Variants in LRRC8B observed in about 807,000 individuals in gnomAD.
LRRC8B encodes volume-regulated anion channel subunit LRRC8B.
In LRRC8B, 23 loss-of-function variants were observed where a neutral mutation model predicts 58.8. The ratio of observed to expected loss-of-function variants is 0.39; its 90% CI spans 0.28 to 0.55. LRRC8B has a LOEUF of 0.55. Among genes scored for constraint, LRRC8B ranks in the 20% least tolerant of loss-of-function variants. LRRC8B has a pLI of 0.62. For synonymous variants in LRRC8B, 359 were observed against 374.1 expected, an observed-to-expected ratio of 0.96 and a Z score of 0.47; for missense variants, 694 against 936.0, an observed-to-expected ratio of 0.74 and a Z score of 3.37.
chr1:89,592,636 T>A (rs1655053746), intron 5 of LRRC8B, 135 bp from the exon 6 acceptor site: 1 of 741,640 alleles, frequency 1.3e-6, no homozygotes, highest in Non-Finnish European at 2.2e-6. Flanking sequence ...ACTTCAAATT[T>A]ATCATCATTG....
At chr1:89,525,395 T>C (rs530805551) in intron 1 of LRRC8B, among the ~76,000 whole-genome samples, 2 of 152,320 alleles carry the variant, frequency 1.3e-5, no homozygotes, top group African/African-American at 4.8e-5. Context: ...GGGGTTCCGC[T>C]TTCCCAGGCT....
At chr1:89,573,790 A>C (rs1373669724) in intron 3 of LRRC8B, among the ~76,000 whole-genome samples, 1 of 152,200 alleles carries the variant, frequency 6.6e-6, no homozygotes, top group African/African-American at 2.4e-5. Context: ...TTTCTCTCAG[A>C]TAATTCATTT....
At chr1:89,565,119 G>A (rs1374836550) in intron 1 of LRRC8B, among the ~76,000 whole-genome samples, 1 of 152,174 alleles carries the variant, frequency 6.6e-6, no homozygotes, top group Non-Finnish European at 1.5e-5. Context: ...CTAATATGTG[G>A]TAGGCTCTCA....
intron 1 of LRRC8B, among the ~76,000 whole-genome samples, chr1:89,548,143 T>TG (rs1462014667): frequency 1.3e-5 from 2 of 152,256 alleles, no homozygotes; most frequent in Non-Finnish European, 2.9e-5. Flanking sequence ...GATTATATAT[T>TG]GATTACATTT....
intron 1 of LRRC8B, among the ~76,000 whole-genome samples, chr1:89,552,644 C>T (rs969065008): frequency 2.0e-5 from 3 of 152,140 alleles, no homozygotes; most frequent in Non-Finnish European, 2.9e-5. Flanking sequence ...GCAAAAGATA[C>T]ATTTTTCTCC....
At chr1:89,585,733 C>T (rs530159336) in intron 5 of LRRC8B, among the ~76,000 whole-genome samples, 7 of 151,742 alleles carry the variant, frequency 4.6e-5, no homozygotes, top group Admixed American at 2.6e-4. Flanking sequence ...CGCTTGAACC[C>T]GGGAGGTGGA....
At chr1:89,526,417 G>A (rs1183884620) in intron 1 of LRRC8B, among the ~76,000 whole-genome samples, 7 of 152,182 alleles carry the variant, frequency 4.6e-5, no homozygotes. Flanking sequence ...GTTTCACCAT[G>A]TTGGCCAGGC....
At chr1:89,559,232 G>A (rs778713108) in intron 1 of LRRC8B, among the ~76,000 whole-genome samples, 7 of 152,080 alleles carry the variant, frequency 4.6e-5, no homozygotes, top group African/African-American at 1.7e-4. Flanking sequence ...GATGTCACCC[G>A]AGCATAGCAT....
At chr1:89,569,053 C>G (rs1489445082) in intron 3 of LRRC8B, among the ~76,000 whole-genome samples, 2 of 152,138 alleles carry the variant, frequency 1.3e-5, no homozygotes, top group African/African-American at 4.8e-5. Context: ...GTGCTTTTAG[C>G]TTTGACACAA....
chr1:89,550,484 C>T (rs990978509), intron 1 of LRRC8B, among the ~76,000 whole-genome samples: 1 of 152,158 alleles, frequency 6.6e-6, no homozygotes, highest in Non-Finnish European at 1.5e-5. Flanking sequence ...TTCATCTCAC[C>T]TTCTTCAGCT....
intron 5 of LRRC8B, among the ~76,000 whole-genome samples, chr1:89,585,697 T>C (rs1394329974): frequency 6.6e-6 from 1 of 152,038 alleles, no homozygotes; most frequent in Non-Finnish European, 1.5e-5. Context: ...AAGTCCCAGC[T>C]ACTCAGGAGC....
chr1:89,570,182 A>G (rs1653349149), intron 3 of LRRC8B, among the ~76,000 whole-genome samples: 1 of 152,162 alleles, frequency 6.6e-6, no homozygotes, highest in African/African-American at 2.4e-5. Flanking sequence ...CAATGAATAT[A>G]CACATGCATG....
Position 89,594,714 on chromosome 1 carries a change from T to C in LRRC8B, c.*1671T>C, listed in dbSNP as rs780300256. ...TATAAAGAGCTTTGTGCTTGGCCTT[T>C]TATTATGCATATTTTTAATGAATAA... On this transcript the variant is annotated 3_prime_UTR_variant, in exon 6 of 6. Transcript: ENST00000330947. The C allele has an allele frequency of 1.2e-4, 19 of 152,208 alleles. No homozygotes were observed. Among genetic ancestry groups the C allele is most frequent in the Non-Finnish European group, 2.8e-4 (19 of 68,012 alleles). 9.4% of individuals were successfully genotyped at this position (152,208 alleles called of 1,614,324 possible). A position where few individuals can be genotyped will look rare whatever the true frequency, so the allele number is the denominator to read the frequency against.
At chr1:89,544,657 G>T (rs1383289685) in intron 1 of LRRC8B, among the ~76,000 whole-genome samples, 2 of 152,116 alleles carry the variant, frequency 1.3e-5, no homozygotes, top group African/African-American at 4.8e-5. Context: ...CAGATCTCTC[G>T]CAGGATGGTA....
intron 3 of LRRC8B, among the ~76,000 whole-genome samples, chr1:89,574,774 C>T (rs560149948): frequency 6.6e-6 from 1 of 152,248 alleles, no homozygotes; most frequent in Non-Finnish European, 1.5e-5. Context: ...AGACCAGTTC[C>T]TCTACCCAGC....
intron 1 of LRRC8B, among the ~76,000 whole-genome samples, chr1:89,559,311 A>T (rs1443693790): frequency 6.6e-6 from 1 of 152,082 alleles, no homozygotes; most frequent in African/African-American, 2.4e-5. Flanking sequence ...TAGTATTAGG[A>T]ACCTTCCATG....
intron 1 of LRRC8B, among the ~76,000 whole-genome samples, chr1:89,539,493 T>C (rs1570565337): frequency 6.6e-6 from 1 of 152,340 alleles, no homozygotes; most frequent in East Asian, 1.9e-4. Flanking sequence ...ATGGGCTGAT[T>C]TGGACCCTAC....
chr1:89,535,131 T>A (rs763727658), intron 1 of LRRC8B, among the ~76,000 whole-genome samples: 3 of 152,136 alleles, frequency 2.0e-5, no homozygotes, highest in Non-Finnish European at 2.9e-5. Flanking sequence ...AGAAGGGCAG[T>A]ATGTATTTTG....
chr1:89,538,865 C>T (rs964248284), intron 1 of LRRC8B, among the ~76,000 whole-genome samples: 7 of 152,064 alleles, frequency 4.6e-5, no homozygotes, highest in African/African-American at 1.7e-4. Context: ...GGACTACAGG[C>T]ACCCACCACC....
Sources: gnomAD v4.1 joint callset for allele counts (sites outside exome capture counted in the v4.1 genomes callset) on GRCh38, gnomAD v4.1.1 for gene constraint, MANE v1.5 for transcripts, NCBI Gene and HGNC (gene_info 2026-07-23, HGNC 2026-07-21) for gene names.